Variants in ATP2B4 observed in about 807,000 individuals in gnomAD.
The protein encoded by ATP2B4 is plasma membrane calcium-transporting ATPase 4.
A neutral mutation model predicts 110.3 loss-of-function variants in ATP2B4; 39 were observed. The observed-to-expected ratio is 0.35, with a 90% CI of 0.27 to 0.46. The LOEUF (loss-of-function observed/expected upper bound fraction) is 0.46. ATP2B4 is among the 20% of genes least tolerant of loss of function. The probability of loss-of-function intolerance (pLI) is 1.00; values close to 1 mark genes in which losing one functional copy is unlikely to be tolerated. For missense variants in ATP2B4, 1,135 were observed against 1,530.9 expected, an observed-to-expected ratio of 0.74 and a Z score of 4.32; for synonymous variants, 538 against 571.7, an observed-to-expected ratio of 0.94 and a Z score of 0.84.
At chr1:203,702,776 G>A (rs1414333618) in intron 7 of ATP2B4, among the ~76,000 whole-genome samples, 1 of 152,222 alleles carries the variant, frequency 6.6e-6, no homozygotes, top group Non-Finnish European at 1.5e-5. Flanking sequence ...GTGGTGCTGG[G>A]AGCCAGCAAG....
chr1:203,698,484 C>A, intron 3 of ATP2B4, 130 bp downstream of exon 3: 2 of 945,634 alleles, frequency 2.1e-6, no homozygotes, highest in East Asian at 2.6e-5. Context: ...GTGGGCTTTC[C>A]AAAGGAAACC....
At position 203,721,408 on chromosome 1, in the gene ATP2B4, C is replaced by G. The variant is rs750329048; in HGVS notation, c.2810C>G (p.Ala937Gly). Reference protein sequence around the residue: ...QLIVIFILVFAGEKFFDIDSG... With the variant: ...QLIVIFILVFGGEKFFDIDSG... ...ATTGTCATCTTTATCCTTGTCTTTGCGGGTGAGCCACTTTGGGGGTGGGTA... is the reference window on the plus strand; with the variant it reads ...ATTGTCATCTTTATCCTTGTCTTTGGGGGTGAGCCACTTTGGGGGTGGGTA... Residue 937 changes from alanine to glycine, a missense_variant and splice_region_variant, in exon 17 of 21, where the codon GCG (alanine) becomes GGG (glycine). Physicochemically the swap from Ala to Gly is moderately conservative, Grantham distance 60 (BLOSUM62 0). Coordinates refer to ENST00000357681, the MANE Select transcript of ATP2B4 (RefSeq NM_001684.5). 6.2e-7 allele frequency: 1 copy of G among 1,613,616 alleles called. No individual in the cohort carries two copies. The highest frequency in any genetic ancestry group is 2.2e-5 in the East Asian group (1 of 44,852).
chr1:203,704,864 T>C (rs1208176698), intron 8 of ATP2B4, among the ~76,000 whole-genome samples: 4 of 152,176 alleles, frequency 2.6e-5, no homozygotes, highest in Admixed American at 6.6e-5. Context: ...CTGCACTTTA[T>C]ACAGCTGTAT....
intron 1 of ATP2B4, among the ~76,000 whole-genome samples, chr1:203,663,905 C>T (rs1458405215): frequency 6.6e-6 from 1 of 152,124 alleles, no homozygotes; most frequent in African/African-American, 2.4e-5. Flanking sequence ...TGCCCAGCCT[C>T]TTCTCTCCAA....
intron 1 of ATP2B4, among the ~76,000 whole-genome samples, chr1:203,680,640 CT>C (rs1664987324): frequency 8.3e-6 from 1 of 120,030 alleles, no homozygotes; most frequent in Non-Finnish European, 1.8e-5. Context: ...TCAAATTAGG[CT>C]TTCTCCCATC....
At chr1:203,681,837 G>C (rs189324669) in intron 1 of ATP2B4, among the ~76,000 whole-genome samples, 62 of 151,900 alleles carry the variant, frequency 4.1e-4, no homozygotes, top group Non-Finnish European at 8.4e-4. Flanking sequence ...TATCTGAATT[G>C]AGAGGTATCT....
At chr1:203,666,228 G>T (rs916822254) in intron 1 of ATP2B4, among the ~76,000 whole-genome samples, 1 of 152,196 alleles carries the variant, frequency 6.6e-6, no homozygotes, top group African/African-American at 2.4e-5. Context: ...ACAGAGAACT[G>T]CCCATGAGTA....
At chr1:203,731,508 G>T (rs1666711786) in intron 20 of ATP2B4, among the ~76,000 whole-genome samples, 1 of 152,124 alleles carries the variant, frequency 6.6e-6, no homozygotes. Flanking sequence ...AGGGGTCAGG[G>T]ATAAGGATGG....
chr1:203,701,912 C>A, intron 6 of ATP2B4, 132 bp from the exon 7 acceptor site: 2 of 839,756 alleles, frequency 2.4e-6, no homozygotes, highest in Non-Finnish European at 3.7e-6. Context: ...GCTTCCTTTA[C>A]ATTTATGTCC....
chr1:203,648,070 G>A (rs1663859607), intron 1 of ATP2B4, among the ~76,000 whole-genome samples: 1 of 152,152 alleles, frequency 6.6e-6, no homozygotes, highest in Non-Finnish European at 1.5e-5. Flanking sequence ...AGAATAAGAT[G>A]TGGAACACCC....
In ATP2B4 at chr1:203,707,243, A is replaced by G. The variant is rs763533033; in HGVS notation, c.1314+20A>G. ...GTGAAGGTGAGACTAGAACAATCCT[A>G]TCTCTTCCTTTAGGATAGAGATGGG... On this transcript the variant is annotated intron_variant, in intron 9 of 20. Coordinates refer to ENST00000357681, the MANE Select transcript of ATP2B4 (RefSeq NM_001684.5). 4 of 1,596,802 alleles carry G rather than the reference A, an allele frequency of 2.5e-6. No homozygotes were observed. The highest frequency in any genetic ancestry group is 1.7e-4 in the Middle Eastern group (1 of 5,856).
intron 1 of ATP2B4, among the ~76,000 whole-genome samples, chr1:203,656,251 A>C (rs542855386): frequency 1.7e-4 from 26 of 152,260 alleles, no homozygotes; most frequent in African/African-American, 6.3e-4. Context: ...ATCCTTTTAA[A>C]ACTTAGCTGG....
intron 8 of ATP2B4, among the ~76,000 whole-genome samples, chr1:203,704,869 C>G (rs1196188689): frequency 6.6e-6 from 1 of 152,120 alleles, no homozygotes; most frequent in African/African-American, 2.4e-5. Context: ...CTTTATACAG[C>G]TGTATACAAC....
At chr1:203,647,155 A>T (rs1663825856) in intron 1 of ATP2B4, among the ~76,000 whole-genome samples, 1 of 152,068 alleles carries the variant, frequency 6.6e-6, no homozygotes, top group African/African-American at 2.4e-5. Flanking sequence ...AAAGAAGCTG[A>T]TGGGCTGGGC....
chr1:203,662,970 T>G (rs567707427), intron 1 of ATP2B4, among the ~76,000 whole-genome samples: 1 of 152,164 alleles, frequency 6.6e-6, no homozygotes, highest in Non-Finnish European at 1.5e-5. Context: ...GAGAAGTGAT[T>G]ATCTGGGGCC....
chr1:203,726,500 T>C (rs559693546), intron 19 of ATP2B4, among the ~76,000 whole-genome samples: 12 of 152,322 alleles, frequency 7.9e-5, no homozygotes, highest in Middle Eastern at 3.4e-3. Flanking sequence ...AAACCTGTTG[T>C]TTGAAACTCT....
intron 19 of ATP2B4, 72 bp from the exon 20 acceptor site, chr1:203,727,323 C>T: frequency 6.4e-7 from 1 of 1,560,874 alleles, no homozygotes; most frequent in Non-Finnish European, 8.7e-7. Context: ...AAGGGCCTGG[C>T]TCATGTAAGT....
intron 15 of ATP2B4, 33 bp from the exon 16 acceptor site, chr1:203,720,516 T>C (rs1303388100): frequency 7.0e-6 from 11 of 1,569,678 alleles, no homozygotes; most frequent in African/African-American, 1.4e-5. Flanking sequence ...CTTTATCCAC[T>C]CCCTCACTGT....
chr1:203,732,186 GAAGA>G (rs1319723493), intron 20 of ATP2B4, among the ~76,000 whole-genome samples: 1 of 150,950 alleles, frequency 6.6e-6, no homozygotes, highest in African/African-American at 2.4e-5. Context: ...AGGAAGGAAG[GAAGA>G]AAATGAATGG....
Sources: allele counts gnomAD v4.1 joint callset (sites outside exome capture counted in the v4.1 genomes callset), GRCh38; gene constraint gnomAD v4.1.1; transcripts MANE v1.5; gene names NCBI Gene and HGNC (gene_info 2026-07-23, HGNC 2026-07-21).